The following BCAR3 variants were observed in gnomAD, a reference collection of about 807,000 sequenced individuals.
BCAR3 encodes the protein breast cancer anti-estrogen resistance protein 3.
Under a neutral mutation model 80.1 loss-of-function variants are expected in BCAR3, and 37 were observed. The observed-to-expected ratio is 0.46, with a 90% CI of 0.36 to 0.61. The LOEUF (loss-of-function observed/expected upper bound fraction) is 0.61. Ranked by LOEUF, BCAR3 falls within the 20% of genes least tolerant of loss-of-function variation. The pLI, the probability that BCAR3 is intolerant of heterozygous loss-of-function variation, is 0.00. For missense variants in BCAR3, 978 were observed against 1,068.2 expected (o/e 0.92, Z 1.18); for synonymous variants, 389 against 418.9 (o/e 0.93, Z 0.87).
At chr1:93,663,412 G>C (rs1230669628) in intron 2 of BCAR3, among the ~76,000 whole-genome samples, 1 of 152,168 alleles carries the variant, frequency 6.6e-6, no homozygotes, top group Non-Finnish European at 1.5e-5. Context: ...CACAGAGAAG[G>C]CAGGTCCAAA....
At chr1:93,824,056 T>C (rs1301380601) in intron 2 of BCAR3, among the ~76,000 whole-genome samples, 1 of 133,732 alleles carries the variant, frequency 7.5e-6, no homozygotes, top group Non-Finnish European at 1.7e-5. Context: ...ACCTAGAATA[T>C]AAACTAGAAT....
rs1649842401 is a variant in BCAR3 at position 93,706,848 on chromosome 1, AT to A, written c.-62-707del. On this transcript the variant is annotated intron_variant, in intron 2 of 13. Transcript: ENST00000370244. ...ATAGCAACATGGGAATCCATTCATG[AT>A]CTATTACTAAAGTAAACAATATACA... 2.0e-5 allele frequency among the ~76,000 whole-genome samples: 3 copies of A among 152,332 alleles called. No homozygotes were observed. The South Asian group carries it at 6.2e-4, about 32-fold the overall frequency.
chr1:93,634,724 A>C (rs1232166544), intron 3 of BCAR3, among the ~76,000 whole-genome samples: 19 of 151,732 alleles, frequency 1.3e-4, no homozygotes, highest in African/African-American at 3.4e-4. Flanking sequence ...CAACAACAAA[A>C]AAAAAACGGA....
intron 2 of BCAR3, chr1:93,845,495 T>TCA (rs1346349342): frequency 3.0e-5 from 1 of 33,220 alleles, no homozygotes; most frequent in African/African-American, 9.5e-5. Context: ...TATATATATA[T>TCA]ATATATAAAA....
At chr1:93,618,347 AG>A (rs952861101) in intron 3 of BCAR3, among the ~76,000 whole-genome samples, 1 of 152,210 alleles carries the variant, frequency 6.6e-6, no homozygotes, top group African/African-American at 2.4e-5. Context: ...AGATTCCTCA[AG>A]GGGATGAAAG....
intron 8 of BCAR3, among the ~76,000 whole-genome samples, chr1:93,574,703 T>C (rs1028220838): frequency 6.6e-6 from 1 of 152,060 alleles, no homozygotes; most frequent in Non-Finnish European, 1.5e-5. Context: ...CCTCTGCTGA[T>C]AGAACGAAGC....
chr1:93,592,112 G>A lies in BCAR3; in HGVS notation c.486+153C>T. ...CAGCTCTTCCCAAGGTCTTCTTAGA[G>A]AAGGGTCTAAATGAAGTCATTTTTA... On this transcript the variant is annotated intron_variant, in intron 4 of 11. Transcript: ENST00000260502. The surrounding 1 kb of genome is among the most constrained non-coding windows in gnomAD (Gnocchi z 4.8). The A allele has an allele frequency of 9.2e-7, 1 of 1,085,778 alleles. No homozygotes were observed. 67.3% of individuals were successfully genotyped at this position (1,085,778 alleles called of 1,614,324 possible).
intron 2 of BCAR3, among the ~76,000 whole-genome samples, chr1:93,744,770 A>G (rs1357941578): frequency 6.6e-6 from 1 of 152,208 alleles, no homozygotes; most frequent in Non-Finnish European, 1.5e-5. Flanking sequence ...GCTTTCATTA[A>G]ACAGGATTCT....
chr1:93,642,643 G>A (rs1036478533), intron 2 of BCAR3, among the ~76,000 whole-genome samples: 1 of 152,208 alleles, frequency 6.6e-6, no homozygotes, highest in African/African-American at 2.4e-5. Flanking sequence ...AGAGCTCAGG[G>A]GAGGGCAGAG....
chr1:93,682,858 A>G (rs1648851276), upstream of BCAR3, among the ~76,000 whole-genome samples: 1 of 152,168 alleles, frequency 6.6e-6, no homozygotes, highest in Admixed American at 6.5e-5. Context: ...CGGCCTCCAG[A>G]TGGATTTTAA....
At chr1:93,786,007 C>T in intron 2 of BCAR3, among the ~76,000 whole-genome samples, 1 of 118,544 alleles carries the variant, frequency 8.4e-6, no homozygotes, top group East Asian at 2.8e-4. Flanking sequence ...TCCTGGCTAA[C>T]ACGGTGAAAC....
intron 2 of BCAR3, among the ~76,000 whole-genome samples, chr1:93,651,857 C>A (rs950766372): frequency 6.6e-6 from 1 of 152,198 alleles, no homozygotes; most frequent in South Asian, 2.1e-4. Flanking sequence ...ATTTAGGATG[C>A]CTCCCAAGCC....
Position 93,582,734 on chromosome 1 carries a change from G to A in BCAR3, c.1253C>T (p.Ser418Phe). Reference sequence around the variant, plus strand: ...CTCTGAGTTGAGCCAGGCAGAGGGAGACGAGGGAACCTTGAGGAACGGCAC... The same window carrying A: ...CTCTGAGTTGAGCCAGGCAGAGGGAAACGAGGGAACCTTGAGGAACGGCAC... ...CKVPFLKVPS[S>F]PSAWLNSEAN... The change falls in exon 7 of 12, where the codon TCT (serine) becomes TTT (phenylalanine). Residue 418 changes from serine to phenylalanine, a missense_variant. Ser to Phe is a radical substitution (Grantham distance 155, BLOSUM62 -2). Coordinates refer to ENST00000260502, the MANE Select transcript of BCAR3 (RefSeq NM_003567.4). The A allele has an allele frequency of 8.7e-6, 14 of 1,614,164 alleles. No individual in the cohort carries two copies. Among genetic ancestry groups the A allele is most frequent in the Non-Finnish European group, 1.1e-5 (13 of 1,180,028 alleles).
intron 2 of BCAR3, among the ~76,000 whole-genome samples, chr1:93,843,884 T>C (rs573966511): frequency 9.8e-5 from 15 of 152,310 alleles, no homozygotes; most frequent in South Asian, 2.1e-4. Context: ...TCCCTACTCA[T>C]TGAATTGAAT....
At chr1:93,835,185 C>T (rs1041292847) in intron 2 of BCAR3, among the ~76,000 whole-genome samples, 4 of 152,158 alleles carry the variant, frequency 2.6e-5, no homozygotes, top group African/African-American at 9.7e-5. Flanking sequence ...CACCACTATG[C>T]TGTTATATGG....
chr1:93,650,182 C>A (rs1390741139), intron 2 of BCAR3, among the ~76,000 whole-genome samples: 1 of 152,090 alleles, frequency 6.6e-6, no homozygotes, highest in African/African-American at 2.4e-5. Context: ...GTCACGAGTT[C>A]GAGACCAGCC....
At chr1:93,810,367 T>TC (rs1653794172) in intron 2 of BCAR3, among the ~76,000 whole-genome samples, 2 of 152,270 alleles carry the variant, frequency 1.3e-5, no homozygotes, top group South Asian at 4.1e-4. Context: ...CCTTAAGTTT[T>TC]CCCTTAGCAC....
chr1:93,670,387 C>G (rs538134510), intron 2 of BCAR3, among the ~76,000 whole-genome samples: 1 of 152,276 alleles, frequency 6.6e-6, no homozygotes, highest in South Asian at 2.1e-4. Context: ...TCCAGGCCTG[C>G]CTTCTGCCTG....
At chr1:93,743,420 A>G (rs11582870) in intron 2 of BCAR3, among the ~76,000 whole-genome samples, 60,490 of 152,088 alleles carry the variant, frequency 0.4, 13,287 homozygotes, top group Non-Finnish European at 0.49. Context: ...AGTCCTGTAA[A>G]CAGCCCCAAT....
Sources: gnomAD v4.1 joint callset for allele counts (sites outside exome capture counted in the v4.1 genomes callset) on GRCh38, gnomAD v4.1.1 for gene constraint, Gnocchi (gnomAD v3.1) non-coding constraint, MANE v1.5 for transcripts, NCBI Gene and HGNC (gene_info 2026-07-23, HGNC 2026-07-21) for gene names.